The following ARMH4 variants were observed in gnomAD, a reference collection of about 807,000 sequenced individuals.
ARMH4 encodes the protein armadillo-like helical domain-containing protein 4.
In ARMH4, 49 loss-of-function variants were observed where a neutral mutation model predicts 61.9. The observed-to-expected ratio is 0.79, with a 90% CI of 0.63 to 1.00. The LOEUF (loss-of-function observed/expected upper bound fraction) is 1.00. Among genes scored for constraint, ARMH4 ranks in the 50% least tolerant of loss-of-function variants. ARMH4 has a pLI of 0.00. For missense variants in ARMH4, 934 were observed against 930.0 expected (o/e 1.00, Z -0.06); for synonymous variants, 368 against 341.5 (o/e 1.08, Z -0.85).
intron 5 of ARMH4, among the ~76,000 whole-genome samples, chr14:58,064,833 T>C (rs942401161): frequency 2.6e-5 from 4 of 152,204 alleles, no homozygotes; most frequent in Non-Finnish European, 4.4e-5. Flanking sequence ...CAGAGTACAA[T>C]TCACTCTTGA....
chr14:58,096,136 G>T (rs1431564117), intron 5 of ARMH4, among the ~76,000 whole-genome samples: 1 of 152,136 alleles, frequency 6.6e-6, no homozygotes, highest in Non-Finnish European at 1.5e-5. Flanking sequence ...GAGTGGTCTG[G>T]CCACCCTAGC....
At chr14:58,139,935 T>C (rs1887475058) in intron 1 of ARMH4, among the ~76,000 whole-genome samples, 2 of 152,174 alleles carry the variant, frequency 1.3e-5, no homozygotes, top group South Asian at 4.1e-4. Context: ...GATGACTTCA[T>C]GAGGACAGAA....
chr14:58,021,921 C>A (rs1456520449), intron 5 of ARMH4, among the ~76,000 whole-genome samples: 2 of 152,146 alleles, frequency 1.3e-5, no homozygotes, highest in Non-Finnish European at 2.9e-5. Context: ...CATCTGCAAC[C>A]AAGGAGGGCT....
intron 5 of ARMH4, among the ~76,000 whole-genome samples, chr14:58,015,338 C>T (rs1882570827): frequency 1.3e-5 from 2 of 152,072 alleles, no homozygotes; most frequent in Admixed American, 1.3e-4. Context: ...ATATTCTTGG[C>T]TGGAGAGAGA....
At chr14:58,012,268 A>G (rs182392105) in intron 5 of ARMH4, 118 bp from the exon 6 acceptor site, 8 of 542,748 alleles carry the variant, frequency 1.5e-5, no homozygotes, top group African/African-American at 1.4e-4. Context: ...AAGGATTAAC[A>G]ATATAACATA....
chr14:58,039,180 T>C (rs1365237804), intron 5 of ARMH4, among the ~76,000 whole-genome samples: 1 of 152,212 alleles, frequency 6.6e-6, no homozygotes, highest in East Asian at 1.9e-4. Context: ...TTCTCAGAAC[T>C]GAACTATCAT....
intron 1 of ARMH4, among the ~76,000 whole-genome samples, chr14:58,145,808 C>T (rs575821160): frequency 6.6e-6 from 1 of 152,238 alleles, no homozygotes; most frequent in East Asian, 1.9e-4. Context: ...CATATGTTCC[C>T]TCTCCCCACT....
At chr14:58,112,960 T>A (rs1886402753) in intron 4 of ARMH4, among the ~76,000 whole-genome samples, 1 of 152,228 alleles carries the variant, frequency 6.6e-6, no homozygotes, top group Non-Finnish European at 1.5e-5. Flanking sequence ...CAATGTATCT[T>A]GTTGAGCATT....
At chr14:58,081,280 C>A (rs1430293346) in intron 5 of ARMH4, among the ~76,000 whole-genome samples, 1 of 152,072 alleles carries the variant, frequency 6.6e-6, no homozygotes, top group African/African-American at 2.4e-5. Flanking sequence ...TCAGGCCCCA[C>A]CCAGACCTAC....
At chr14:58,050,817 C>G (rs1272537160) in intron 5 of ARMH4, among the ~76,000 whole-genome samples, 1 of 152,052 alleles carries the variant, frequency 6.6e-6, no homozygotes, top group African/African-American at 2.4e-5. Context: ...ATCCATTAAA[C>G]AACAGCTCTG....
intron 4 of ARMH4, among the ~76,000 whole-genome samples, chr14:58,117,146 T>C (rs983784282): frequency 1.3e-5 from 2 of 152,210 alleles, no homozygotes; most frequent in Admixed American, 1.3e-4. Context: ...AACTCACTTA[T>C]GATTCAGATG....
chr14:58,024,593 T>A (rs1160292697), intron 5 of ARMH4, among the ~76,000 whole-genome samples: 2 of 152,198 alleles, frequency 1.3e-5, no homozygotes, highest in Admixed American at 6.5e-5. Flanking sequence ...TCAAGAACTT[T>A]TCCTTTACAT....
In ARMH4 at chr14:58,004,697, G is replaced by C; in HGVS notation, c.*39C>G. On this transcript the variant is annotated 3_prime_UTR_variant, in exon 8 of 8. Coordinates refer to ENST00000267485, the MANE Select transcript of ARMH4 (RefSeq NM_001001872.4). ...CTGCTCCAAAATAAAAATTAGAATA[G>C]TAGCATCGTTGAATATCCCAATTAA... 6.9e-7 allele frequency: 1 copy of C among 1,458,072 alleles called. No homozygotes were observed. Among genetic ancestry groups the C allele is most frequent in the Non-Finnish European group, 9.5e-7 (1 of 1,052,164 alleles). 90.3% of individuals were successfully genotyped at this position (1,458,072 alleles called of 1,614,324 possible). A position where few individuals can be genotyped will look rare whatever the true frequency, so the allele number is the denominator to read the frequency against.
rs1594681407 is a variant in ARMH4 at position 58,004,511 on chromosome 14, G to A, written c.*225C>T. The A allele has an allele frequency of 7.5e-6, 3 of 401,598 alleles. No homozygotes were observed. The highest frequency in any genetic ancestry group is 6.4e-5 in the South Asian group (1 of 15,736). 24.9% of individuals were successfully genotyped at this position (401,598 alleles called of 1,614,324 possible). ...TTTATGAGTTGTAGCCCACGGTTGT[G>A]GAAAATTCACTACAGAATAAAACCA... On this transcript the variant is annotated 3_prime_UTR_variant, in exon 8 of 8. Coordinates refer to ENST00000267485, the MANE Select transcript of ARMH4 (RefSeq NM_001001872.4).
chr14:58,064,614 T>G (rs781130740), intron 5 of ARMH4, among the ~76,000 whole-genome samples: 17 of 152,232 alleles, frequency 1.1e-4, no homozygotes, highest in Non-Finnish European at 2.1e-4. Context: ...TTCTTTGGAA[T>G]GCACGCATTA....
chr14:58,062,626 C>T (rs1884568446), intron 5 of ARMH4, among the ~76,000 whole-genome samples: 1 of 152,172 alleles, frequency 6.6e-6, no homozygotes, highest in Admixed American at 6.5e-5. Context: ...GTGCCGGGCA[C>T]GAGGCTAAGT....
intron 3 of ARMH4, among the ~76,000 whole-genome samples, chr14:58,131,931 A>G (rs1452894605): frequency 1.3e-5 from 2 of 152,254 alleles, no homozygotes; most frequent in Non-Finnish European, 2.9e-5. Flanking sequence ...CTTACAGGAA[A>G]ATGTATTATC....
chr14:58,041,633 A>T (rs1181453838), intron 5 of ARMH4, among the ~76,000 whole-genome samples: 1 of 152,200 alleles, frequency 6.6e-6, no homozygotes, highest in Admixed American at 6.5e-5. Context: ...TGCTCCAATT[A>T]AAAGACACAG....
intron 4 of ARMH4, among the ~76,000 whole-genome samples, chr14:58,101,735 G>A (rs752526703): frequency 6.6e-6 from 1 of 152,158 alleles, no homozygotes; most frequent in East Asian, 1.9e-4. Flanking sequence ...GAAAACAGCA[G>A]TGAGGATTGT....
Sources: allele counts gnomAD v4.1 joint callset (sites outside exome capture counted in the v4.1 genomes callset), GRCh38; gene constraint gnomAD v4.1.1; transcripts MANE v1.5; gene names NCBI Gene and HGNC (gene_info 2026-07-23, HGNC 2026-07-21).